The following AGBL1 variants were observed in gnomAD, a reference collection of about 807,000 sequenced individuals.
AGBL1 encodes the protein AGBL carboxypeptidase 1.
In AGBL1, 130 loss-of-function variants were observed where a neutral mutation model predicts 118.9. The ratio of observed to expected loss-of-function variants is 1.09; its 90% confidence interval spans 0.95 to 1.26. The LOEUF is 1.26. AGBL1 is among the 50% of genes most tolerant of loss of function. AGBL1 has a pLI of 0.00. For synonymous variants in AGBL1, 555 were observed against 478.9 expected (o/e 1.16, Z -2.08); for missense variants, 1,584 against 1,298.1 (o/e 1.22, Z -3.38).
chr15:86,182,179 T>A (rs1368137646), intron 5 of AGBL1, among the ~76,000 whole-genome samples: 1 of 152,068 alleles, frequency 6.6e-6, no homozygotes, highest in Non-Finnish European at 1.5e-5. Flanking sequence ...CGAGTGGTAA[T>A]GGGAGAGAAA....
Position 86,136,403 on chromosome 15 carries a change from CTTGGTGGGGCA to C in AGBL1, c.52-5600_52-5590del, listed in dbSNP as rs2076889551. On this transcript the variant is annotated intron_variant, in intron 1 of 22. Transcript: ENST00000614907. ...GAGGCCAGGCCACCACAGTGCCTCA[CTTGGTGGGGCA>C]CCAATCATGTTGTAGTCTTTGTGAA... Among the ~76,000 whole-genome samples, 3 of 152,326 alleles carry C rather than the reference CTTGGTGGGGCA, an allele frequency of 2.0e-5. No homozygotes were observed. The East Asian group carries it at 5.8e-4, about 29-fold the overall frequency.
rs74027525 is a variant in AGBL1 at position 86,370,725 on chromosome 15, C to T, written c.2375-26641C>T. The stretch of plus-strand genomic sequence containing the variant: ...CATGGCACATCTCCATCTTTCTTAC[C>T]GTAGCATTATCCATGACCTTGTTTA... On this transcript the variant is annotated intron_variant, in intron 17 of 22. Coordinates refer to ENST00000614907, the MANE Select transcript of AGBL1 (RefSeq NM_001386094.1). Among the ~76,000 whole-genome samples, 710 of 152,308 alleles carry T rather than the reference C, an allele frequency of 4.7e-3. 6 individuals carry two copies. The highest frequency in any genetic ancestry group is 0.015 in the African/African-American group (643 of 41,574).
chr15:86,932,631 GA>G (rs1275986332), intron 23 of AGBL1, among the ~76,000 whole-genome samples: 1 of 152,202 alleles, frequency 6.6e-6, no homozygotes, highest in African/African-American at 2.4e-5. Context: ...GTGAAGCAAG[GA>G]CAGGGGTTGG....
chr15:87,018,156 T>C (rs1008322397), intron 24 of AGBL1, among the ~76,000 whole-genome samples: 2 of 137,100 alleles, frequency 1.5e-5, no homozygotes, highest in African/African-American at 7.3e-5. Context: ...TTGGGGTACC[T>C]GAAAGAGATG....
chr15:86,899,561 C>A (rs2095979587), intron 22 of AGBL1, among the ~76,000 whole-genome samples: 1 of 152,048 alleles, frequency 6.6e-6, no homozygotes, highest in African/African-American at 2.4e-5. Context: ...GCTTGAAATT[C>A]TTTATTTCAA....
chr15:86,934,092 A>C (rs2080637150), intron 23 of AGBL1, among the ~76,000 whole-genome samples: 1 of 152,202 alleles, frequency 6.6e-6, no homozygotes, highest in South Asian at 2.1e-4. Context: ...TATACTTTTA[A>C]TAGAGTGTTT....
At chr15:86,399,101 A>C (rs959008620) in intron 18 of AGBL1, among the ~76,000 whole-genome samples, 3 of 152,140 alleles carry the variant, frequency 2.0e-5, no homozygotes, top group Non-Finnish European at 2.9e-5. Context: ...CACATGGGAA[A>C]ACTGGGAGGC....
At chr15:86,418,521 CT>C in intron 18 of AGBL1, among the ~76,000 whole-genome samples, 1 of 152,280 alleles carries the variant, frequency 6.6e-6, no homozygotes, top group East Asian at 1.9e-4. Flanking sequence ...CCATATTTCC[CT>C]GTTAATATGC....
chr15:86,627,703 AAG>A (rs2084907999), intron 21 of AGBL1, among the ~76,000 whole-genome samples: 1 of 152,240 alleles, frequency 6.6e-6, no homozygotes, highest in African/African-American at 2.4e-5. Flanking sequence ...GCTAATGAAA[AAG>A]AGAAACCAGC....
At chr15:86,961,037 T>C (rs1346601090) in intron 23 of AGBL1, among the ~76,000 whole-genome samples, 2 of 152,068 alleles carry the variant, frequency 1.3e-5, no homozygotes, top group Non-Finnish European at 2.9e-5. Context: ...GAGTTAATAA[T>C]ACTCTATTGT....
chr15:86,650,122 A>C (rs576439269), intron 21 of AGBL1, among the ~76,000 whole-genome samples: 1 of 152,176 alleles, frequency 6.6e-6, no homozygotes, highest in African/African-American at 2.4e-5. Context: ...CACAGGGGGC[A>C]TTTAGTTTTG....
chr15:86,999,744 T>A (rs959449742), intron 24 of AGBL1, among the ~76,000 whole-genome samples: 1 of 149,184 alleles, frequency 6.7e-6, no homozygotes, highest in Non-Finnish European at 1.5e-5. Context: ...ATATACCCAG[T>A]AATGGGATGG....
intron 22 of AGBL1, among the ~76,000 whole-genome samples, chr15:86,756,702 C>A (rs1190397880): frequency 6.6e-6 from 1 of 151,982 alleles, no homozygotes; most frequent in Non-Finnish European, 1.5e-5. Context: ...TTTGTAAAAC[C>A]TGGAGCATCA....
chr15:86,236,610 G>A (rs1327502787), intron 6 of AGBL1, among the ~76,000 whole-genome samples: 1 of 151,994 alleles, frequency 6.6e-6, no homozygotes, highest in East Asian at 1.9e-4. Flanking sequence ...CTTAGTCTCG[G>A]GCCGAATTGG....
At chr15:86,548,467 T>A (rs2083616925) in intron 20 of AGBL1, among the ~76,000 whole-genome samples, 1 of 152,092 alleles carries the variant, frequency 6.6e-6, no homozygotes, top group Admixed American at 6.6e-5. Context: ...AAGCAGCCCT[T>A]TTAGGACTCT....
chr15:86,166,066 C>A (rs1334638528), intron 5 of AGBL1, among the ~76,000 whole-genome samples: 1 of 152,160 alleles, frequency 6.6e-6, no homozygotes, highest in African/African-American at 2.4e-5. Flanking sequence ...CTTAAGGGAC[C>A]TTCTTATCAT....
At chr15:86,576,370 T>G (rs1369270492) in intron 21 of AGBL1, among the ~76,000 whole-genome samples, 3 of 152,102 alleles carry the variant, frequency 2.0e-5, no homozygotes, top group African/African-American at 7.2e-5. Context: ...GCACAGGCAC[T>G]GTCACTGAAA....
At chr15:86,982,884 A>G (rs2141724644) in intron 23 of AGBL1, among the ~76,000 whole-genome samples, 1 of 152,302 alleles carries the variant, frequency 6.6e-6, no homozygotes, top group South Asian at 2.1e-4. Context: ...CCAAATGGGA[A>G]AAGCGGCACC....
chr15:86,452,201 T>C (rs1232099396), intron 18 of AGBL1, among the ~76,000 whole-genome samples: 1 of 152,192 alleles, frequency 6.6e-6, no homozygotes, highest in East Asian at 1.9e-4. Flanking sequence ...ATGCTTTGTG[T>C]GTCTATCATG....
Sources: gnomAD v4.1 joint callset for allele counts (sites outside exome capture counted in the v4.1 genomes callset) on GRCh38, gnomAD v4.1.1 for gene constraint, MANE v1.5 for transcripts, NCBI Gene and HGNC (gene_info 2026-07-23, HGNC 2026-07-21) for gene names.